The following KCNN3 variants were observed in gnomAD, a reference collection of about 807,000 sequenced individuals.
The protein encoded by KCNN3 is small conductance calcium-activated potassium channel protein 3.
Under a neutral mutation model 62.9 loss-of-function variants are expected in KCNN3, and 16 were observed. The ratio of observed to expected loss-of-function variants is 0.25; its 90% CI spans 0.17 to 0.39. The LOEUF is 0.39. Ranked by LOEUF, KCNN3 falls within the 10% of genes least tolerant of loss-of-function variation. The pLI, the probability that KCNN3 is intolerant of heterozygous loss-of-function variation, is 1.00. For synonymous variants in KCNN3, 370 were observed against 389.2 expected, an observed-to-expected ratio of 0.95 and a Z score of 0.58; for missense variants, 599 against 949.4, an observed-to-expected ratio of 0.63 and a Z score of 4.85.
At chr1:154,777,283 C>T (rs955814092) in intron 2 of KCNN3, among the ~76,000 whole-genome samples, 2 of 152,062 alleles carry the variant, frequency 1.3e-5, no homozygotes, top group Non-Finnish European at 2.9e-5. Context: ...GGACAGGAAC[C>T]GTGCCTGGCT....
chr1:154,848,057 G>A (rs1652150066), intron 1 of KCNN3, among the ~76,000 whole-genome samples: 1 of 152,168 alleles, frequency 6.6e-6, no homozygotes, highest in Admixed American at 6.5e-5. Flanking sequence ...CTTTGGGCCT[G>A]GCCAGAAGCC....
intron 3 of KCNN3, among the ~76,000 whole-genome samples, chr1:154,745,626 T>G: frequency 6.6e-6 from 1 of 152,314 alleles, no homozygotes; most frequent in Admixed American, 6.5e-5. Flanking sequence ...GGATGCACCA[T>G]TTGAGGGAAG....
At chr1:154,852,369 ATT>A (rs34939586) in intron 1 of KCNN3, among the ~76,000 whole-genome samples, 30,359 of 136,244 alleles carry the variant, frequency 0.22, 3,517 homozygotes, top group Non-Finnish European at 0.28. Context: ...CACCCAGCTA[ATT>A]TTTTTTTTTT....
intron 1 of KCNN3, among the ~76,000 whole-genome samples, chr1:154,852,494 G>A (rs1652345993): frequency 1.3e-5 from 2 of 151,656 alleles, no homozygotes; most frequent in African/African-American, 2.4e-5. Context: ...GATTACAGGT[G>A]TCAGCCACCA....
chr1:154,865,186 C>A (rs1224738133), intron 1 of KCNN3, among the ~76,000 whole-genome samples: 1 of 152,066 alleles, frequency 6.6e-6, no homozygotes, highest in Non-Finnish European at 1.5e-5. Context: ...GTGCCCCAAA[C>A]CAGCTCTAAA....
intron 2 of KCNN3, among the ~76,000 whole-genome samples, chr1:154,783,505 T>TG (rs34418711): frequency 0.74 from 112,706 of 152,128 alleles, 42,158 homozygotes; most frequent in East Asian, 0.8. Context: ...GACCTGGTGA[T>TG]GGGGTCCCTA....
At chr1:154,728,348 G>A (rs1484091800) in intron 4 of KCNN3, among the ~76,000 whole-genome samples, 2 of 152,210 alleles carry the variant, frequency 1.3e-5, no homozygotes, top group Non-Finnish European at 2.9e-5. Context: ...TATTCCTCTA[G>A]AGGATGCTGC....
At chr1:154,778,360 A>G (rs1648878616) in intron 2 of KCNN3, among the ~76,000 whole-genome samples, 1 of 152,234 alleles carries the variant, frequency 6.6e-6, no homozygotes, top group South Asian at 2.1e-4. Flanking sequence ...CACATGTCCC[A>G]TGAATCAGTG....
intron 2 of KCNN3, among the ~76,000 whole-genome samples, chr1:154,794,952 G>A (rs1035130350): frequency 1.3e-5 from 2 of 152,330 alleles, no homozygotes; most frequent in South Asian, 2.1e-4. Flanking sequence ...CCCTGAGGAT[G>A]TCTGCTCTGT....
At chr1:154,715,106 T>C (rs1700204836) in intron 5 of KCNN3, 103 bp from the exon 6 acceptor site, 5 of 1,393,296 alleles carry the variant, frequency 3.6e-6, no homozygotes, top group African/African-American at 1.4e-5. Flanking sequence ...GATTTTGCAA[T>C]GATCTATTTT....
In KCNN3 at chr1:154,831,703, G is replaced by A. The variant is rs115661499; in HGVS notation, c.934-9519C>T. Among the ~76,000 whole-genome samples the A allele has an allele frequency of 8.3e-3, 1,269 of 152,092 alleles. 26 individuals are homozygous for A. The highest frequency in any genetic ancestry group is 0.029 in the African/African-American group (1,199 of 41,462). ...CTCTGCTTGATTTTCTCCAGGGGTT[G>A]GAAACTCACTTCCTCTCAATGTAGC... On this transcript the variant is annotated intron_variant, in intron 1 of 7. Transcript: ENST00000271915.
At position 154,857,141 on chromosome 1, in the gene KCNN3, C is replaced by T. The variant is rs148643170; in HGVS notation, c.933+11891G>A. Reference sequence around the variant, plus strand: ...ACCAACCAGAACACGCCAGGCAGTGCCCTTGTCTCATTTATTCCTCATGAC... The same window carrying T: ...ACCAACCAGAACACGCCAGGCAGTGTCCTTGTCTCATTTATTCCTCATGAC... On this transcript the variant is annotated intron_variant, in intron 1 of 7. Coordinates refer to ENST00000271915, the MANE Select transcript of KCNN3 (RefSeq NM_002249.6). 2.4e-3 allele frequency among the ~76,000 whole-genome samples: 371 copies of T among 152,312 alleles called. 1 individual carries two copies. Among genetic ancestry groups the T allele is most frequent in the African/African-American group, 8.3e-3 (346 of 41,556 alleles).
At chr1:154,825,557 G>A (rs984959950) in intron 1 of KCNN3, among the ~76,000 whole-genome samples, 27 of 151,256 alleles carry the variant, frequency 1.8e-4, no homozygotes, top group Non-Finnish European at 3.8e-4. Context: ...TAGTAGAGAT[G>A]GGGTTTCACC....
intron 3 of KCNN3, among the ~76,000 whole-genome samples, chr1:154,754,722 A>G (rs1474723643): frequency 1.3e-5 from 2 of 152,208 alleles, no homozygotes; most frequent in East Asian, 3.8e-4. Context: ...GTCCCTGATG[A>G]TGCCATAGAG....
intron 2 of KCNN3, among the ~76,000 whole-genome samples, chr1:154,816,166 G>T (rs1417936967): frequency 6.6e-6 from 1 of 152,102 alleles, no homozygotes; most frequent in Admixed American, 6.5e-5. Context: ...AAATTCATGA[G>T]GTTGAAGGCC....
chr1:154,773,057 T>C (rs1277012070), intron 2 of KCNN3, among the ~76,000 whole-genome samples: 2 of 152,206 alleles, frequency 1.3e-5, no homozygotes, highest in Admixed American at 1.3e-4. Flanking sequence ...GCAAGTTTGC[T>C]ATATAGGTAA....
At chr1:154,786,053 G>A (rs767990872) in intron 2 of KCNN3, among the ~76,000 whole-genome samples, 6 of 152,168 alleles carry the variant, frequency 3.9e-5, no homozygotes, top group South Asian at 2.1e-4. Flanking sequence ...CATTCTGGCC[G>A]AAACCTCCTT....
chr1:154,697,778 A>G lies in KCNN3; in HGVS notation c.*10198T>C, dbSNP rs905094185. ...CAAATCCAATGGTGGCCAGCAGTAG[A>G]ACTGAAGCCTGTAAGTTTTCATTCA... is the stretch of plus-strand genomic sequence containing the variant. On this transcript the variant is annotated 3_prime_UTR_variant, in exon 8 of 8. Coordinates refer to ENST00000271915, the MANE Select transcript of KCNN3 (RefSeq NM_002249.6). The G allele has an allele frequency of 3.9e-5, 6 of 152,234 alleles. No homozygotes were observed. The highest frequency in any genetic ancestry group is 7.2e-5 in the African/African-American group (3 of 41,462). 9.4% of individuals were successfully genotyped at this position (152,234 alleles called of 1,614,324 possible).
At chr1:154,826,620 C>A (rs776434146) in intron 1 of KCNN3, among the ~76,000 whole-genome samples, 1 of 151,622 alleles carries the variant, frequency 6.6e-6, no homozygotes, top group East Asian at 1.9e-4. Context: ...ATATCTGCAG[C>A]GAGGCTTCTT....
Sources: allele counts gnomAD v4.1 joint callset (sites outside exome capture counted in the v4.1 genomes callset), GRCh38; gene constraint gnomAD v4.1.1; transcripts MANE v1.5; gene names NCBI Gene and HGNC (gene_info 2026-07-23, HGNC 2026-07-21).